Variants in EHBP1 observed in about 807,000 individuals in gnomAD.
EHBP1 encodes EH domain binding protein 1.
In EHBP1, 55 loss-of-function variants were observed where a neutral mutation model predicts 144.0. The observed-to-expected ratio is 0.38, with a 90% CI of 0.31 to 0.48. The LOEUF (loss-of-function observed/expected upper bound fraction) is 0.48, where lower values mean the gene tolerates loss of function less well. Ranked by LOEUF, EHBP1 falls within the 20% of genes least tolerant of loss-of-function variation. The probability of loss-of-function intolerance (pLI) is 0.98; values close to 1 mark genes in which losing one functional copy is unlikely to be tolerated. For synonymous variants in EHBP1, 469 were observed against 472.7 expected (o/e 0.99, Z 0.10); for missense variants, 1,200 against 1,364.2 (o/e 0.88, Z 1.90).
intron 19 of EHBP1, among the ~76,000 whole-genome samples, chr2:63,001,392 T>C (rs2059841557): frequency 6.6e-6 from 1 of 152,176 alleles, no homozygotes; most frequent in African/African-American, 2.4e-5. Flanking sequence ...ATATGAAATA[T>C]ACTTAGAGAA....
chr2:62,757,940 A>T (rs2040445257), intron 3 of EHBP1, among the ~76,000 whole-genome samples: 1 of 151,096 alleles, frequency 6.6e-6, no homozygotes, highest in Admixed American at 6.6e-5. Flanking sequence ...TGAACCCAGG[A>T]GGCGGAGCTT....
In EHBP1 at chr2:62,979,301, A is replaced by T. The variant is rs1181665871; in HGVS notation, c.2574A>T (p.Ala858=). Residue 858 remains alanine, a synonymous_variant, in exon 15 of 23, where the codon GCA becomes GCT. Transcript: ENST00000431489. ...TTCCCAGCTATGGTGAAATGGCTGC[A>T]GAAAAGTTGAAAGAAAGGTCAAAGG... The part of the protein sequence containing the change: ...SELPSYGEMA[A]EKLKERSKAS... 1.2e-6 allele frequency: 2 copies of T among 1,614,034 alleles called. No homozygotes were observed. Among genetic ancestry groups the T allele is most frequent in the South Asian group, 2.2e-5 (2 of 91,060 alleles).
intron 2 of EHBP1, among the ~76,000 whole-genome samples, chr2:62,746,192 G>C (rs2039135375): frequency 6.6e-6 from 1 of 152,002 alleles, no homozygotes. Flanking sequence ...CATCTATCAT[G>C]TTGTTATACC....
intron 21 of EHBP1, among the ~76,000 whole-genome samples, chr2:63,042,559 A>T (rs2153376022): frequency 6.6e-6 from 1 of 152,172 alleles, no homozygotes; most frequent in South Asian, 2.1e-4. Context: ...TTTAAATTTG[A>T]CTCTGAAATG....
intron 14 of EHBP1, among the ~76,000 whole-genome samples, chr2:62,972,197 T>C (rs1262763466): frequency 6.6e-6 from 1 of 152,140 alleles, no homozygotes; most frequent in Non-Finnish European, 1.5e-5. Context: ...AGAGGAATGG[T>C]CAAAGCAGAT....
At chr2:62,975,691 A>G (rs550467701) in intron 14 of EHBP1, among the ~76,000 whole-genome samples, 97 of 152,154 alleles carry the variant, frequency 6.4e-4, no homozygotes, top group Non-Finnish European at 1.2e-3. Flanking sequence ...TGAGACCAAC[A>G]TGGGCAACAC....
At chr2:62,751,100 G>T in intron 3 of EHBP1, among the ~76,000 whole-genome samples, 1 of 152,158 alleles carries the variant, frequency 6.6e-6, no homozygotes, top group Admixed American at 6.5e-5. Flanking sequence ...TGCCCATTCA[G>T]TATGATATTG....
At chr2:62,931,364 C>T (rs1383153573) in intron 10 of EHBP1, among the ~76,000 whole-genome samples, 1 of 151,994 alleles carries the variant, frequency 6.6e-6, no homozygotes, top group Non-Finnish European at 1.5e-5. Flanking sequence ...TCTTCAATCC[C>T]CAAAGAAAAA....
intron 5 of EHBP1, among the ~76,000 whole-genome samples, chr2:62,809,948 C>G (rs2044851294): frequency 6.6e-6 from 1 of 152,058 alleles, no homozygotes; most frequent in South Asian, 2.1e-4. Context: ...GTGACAAACT[C>G]AAAGGGACAT....
chr2:62,997,450 G>GTGTGTC (rs2059685512), intron 19 of EHBP1, among the ~76,000 whole-genome samples: 1 of 151,202 alleles, frequency 6.6e-6, no homozygotes, highest in African/African-American at 2.4e-5. Context: ...GTGTGTGTGT[G>GTGTGTC]TGTGTGTGTG....
chr2:62,763,860 A>G (rs1184760589), intron 3 of EHBP1, among the ~76,000 whole-genome samples: 1 of 152,170 alleles, frequency 6.6e-6, no homozygotes, highest in Non-Finnish European at 1.5e-5. Flanking sequence ...TTTTTCTTTT[A>G]AAGTATGAAT....
chr2:62,729,407 TATA>T (rs1444053393), intron 2 of EHBP1, among the ~76,000 whole-genome samples: 144 of 112,816 alleles, frequency 1.3e-3, no homozygotes, highest in African/African-American at 2.2e-3. Flanking sequence ...ATATAATAAA[TATA>T]ATAATAATAA....
chr2:62,790,202 A>T (rs546596507), intron 5 of EHBP1, among the ~76,000 whole-genome samples: 1 of 152,338 alleles, frequency 6.6e-6, no homozygotes, highest in African/African-American at 2.4e-5. Flanking sequence ...CTTGATTTGT[A>T]TTGGCAGAAG....
At chr2:63,033,177 G>A (rs937684442) in intron 19 of EHBP1, among the ~76,000 whole-genome samples, 7 of 151,878 alleles carry the variant, frequency 4.6e-5, no homozygotes, top group East Asian at 1.9e-4. Flanking sequence ...CATCTCTTTC[G>A]TCCATTAAAT....
chr2:62,914,773 A>C (rs2054476632), intron 10 of EHBP1, among the ~76,000 whole-genome samples: 7 of 152,024 alleles, frequency 4.6e-5, no homozygotes, highest in Admixed American at 4.6e-4. Flanking sequence ...ATTATACTTC[A>C]ATAAATGAGC....
intron 2 of EHBP1, among the ~76,000 whole-genome samples, chr2:62,740,222 AAAAAC>A (rs1258572895): frequency 1.3e-5 from 2 of 152,218 alleles, no homozygotes; most frequent in East Asian, 3.8e-4. Context: ...ATATAAGTAA[AAAAAC>A]AAAGTATTTT....
chr2:62,690,468 A>G (rs2033869156), intron 1 of EHBP1, among the ~76,000 whole-genome samples: 1 of 152,054 alleles, frequency 6.6e-6, no homozygotes, highest in South Asian at 2.1e-4. Flanking sequence ...AGGCTGAGAC[A>G]GGGAGAATTG....
intron 8 of EHBP1, among the ~76,000 whole-genome samples, chr2:62,861,193 A>G (rs1359105132): frequency 7.2e-6 from 1 of 139,056 alleles, no homozygotes; most frequent in Non-Finnish European, 1.5e-5. Context: ...GCAGTGGCAC[A>G]TTCTCGGCTC....
intron 5 of EHBP1, among the ~76,000 whole-genome samples, chr2:62,800,563 A>C (rs928551785): frequency 6.6e-6 from 1 of 152,186 alleles, no homozygotes. Flanking sequence ...CTGGGAAGAA[A>C]TGTGGATGTA....
Sources: allele counts gnomAD v4.1 joint callset (sites outside exome capture counted in the v4.1 genomes callset), GRCh38; gene constraint gnomAD v4.1.1; transcripts MANE v1.5; gene names NCBI Gene and HGNC (gene_info 2026-07-23, HGNC 2026-07-21).